Variants in ADGRB1 observed in about 807,000 individuals in gnomAD.
The protein encoded by ADGRB1 is brain-specific angiogenesis inhibitor 1.
ADGRB1 carries 36 observed loss-of-function variants against 175.7 expected under a neutral mutation model. The ratio of observed to expected loss-of-function variants is 0.20; its 90% CI spans 0.16 to 0.27. The LOEUF is 0.27. Among genes scored for constraint, ADGRB1 ranks in the 10% least tolerant of loss-of-function variants. The probability of loss-of-function intolerance (pLI) is 1.00; values close to 1 mark genes in which losing one functional copy is unlikely to be tolerated. For synonymous variants in ADGRB1, 1,054 were observed against 979.4 expected (o/e 1.08, Z -1.42); for missense variants, 1,731 against 2,255.3 (o/e 0.77, Z 4.71).
At chr8:142,454,711 C>A (rs1177240695) in intron 1 of ADGRB1, among the ~76,000 whole-genome samples, 1 of 152,128 alleles carries the variant, frequency 6.6e-6, no homozygotes, top group Admixed American at 6.5e-5. Context: ...AGGTGAGGAT[C>A]CCCCTTCCCC....
intron 24 of ADGRB1, 39 bp from the exon 25 acceptor site, chr8:142,533,250 GGGGGCA>G (rs776412902): frequency 5.5e-6 from 8 of 1,456,960 alleles, no homozygotes; most frequent in Middle Eastern, 2.4e-4. Flanking sequence ...GGGTGTCCCT[GGGGGCA>G]GGGGCGGGGG....
intron 25 of ADGRB1, among the ~76,000 whole-genome samples, chr8:142,534,624 T>TCAACCACCAGCCGGG (rs1844822154): frequency 6.6e-6 from 1 of 152,078 alleles, no homozygotes; most frequent in African/African-American, 2.4e-5. Context: ...CCTGTACCAG[T>TCAACCACCAGCCGGG]CAACCACCAG....
At chr8:142,468,719 A>G (rs1437589085) in intron 2 of ADGRB1, among the ~76,000 whole-genome samples, 1 of 152,170 alleles carries the variant, frequency 6.6e-6, no homozygotes, top group Non-Finnish European at 1.5e-5. Context: ...CCTCACGCAC[A>G]TGTGACCTTT....
rs920901516 is a variant in ADGRB1, at chr8:142,530,119, G to A, written c.3399-3176G>A. Among the ~76,000 whole-genome samples the A allele has an allele frequency of 2.0e-5, 3 of 152,214 alleles. No homozygotes were observed. The South Asian group carries it at 6.2e-4, about 32-fold the overall frequency. ...CTTGATATTTTGCGTTAGTGTGTGT[G>A]TATAAGTGTGAGTGTGTATATAATT... On this transcript the variant is annotated intron_variant, in intron 24 of 30. Transcript: ENST00000517894.
rs149897332 is a variant in ADGRB1 at position 142,490,120 on chromosome 8, G to A, written c.2632-652G>A. Among the ~76,000 whole-genome samples the A allele has an allele frequency of 3.4e-3, 511 of 152,338 alleles. 2 individuals carry two copies. Among genetic ancestry groups the A allele is most frequent in the African/African-American group, 0.012 (492 of 41,588 alleles). On this transcript the variant is annotated intron_variant, in intron 16 of 30. Coordinates refer to ENST00000517894, the MANE Select transcript of ADGRB1 (RefSeq NM_001702.3). Reference sequence around the variant, plus strand: ...CCAGGCCAGGGCTGTAGGAAGCCACGGGAGAACCCAGCCCTGTCCTTTCTA... The same window carrying A: ...CCAGGCCAGGGCTGTAGGAAGCCACAGGAGAACCCAGCCCTGTCCTTTCTA...
rs897531893 is a variant in ADGRB1, at chr8:142,490,927, G to A, written c.2675+112G>A. On this transcript the variant is annotated intron_variant, in intron 17 of 30. Coordinates refer to ENST00000517894, the MANE Select transcript of ADGRB1 (RefSeq NM_001702.3). ...GGTCTTGTCCACTTGCCCCCCAGCTGTCTGTGTACCCGCATGGGCCTCCGT... is the reference window on the plus strand; with the variant it reads ...GGTCTTGTCCACTTGCCCCCCAGCTATCTGTGTACCCGCATGGGCCTCCGT... The A allele has an allele frequency of 5.8e-6, 8 of 1,385,912 alleles. No homozygotes were observed. The Admixed American group carries it at 1.2e-4, about 21-fold the overall frequency. The allele number at this position is 1,385,912 out of a possible 1,614,324, so 85.9% of individuals were successfully genotyped here.
At chr8:142,518,363 T>A in intron 19 of ADGRB1, 122 bp downstream of exon 19, 1 of 1,024,612 alleles carries the variant, frequency 9.8e-7, no homozygotes, top group Non-Finnish European at 1.5e-6. Flanking sequence ...ACGTTCCCAG[T>A]CACCTCCGCA....
intron 2 of ADGRB1, among the ~76,000 whole-genome samples, chr8:142,470,122 A>G (rs1436328210): frequency 6.6e-6 from 1 of 152,072 alleles, no homozygotes; most frequent in Non-Finnish European, 1.5e-5. Context: ...AACACTCCTC[A>G]GGCCAAGCAA....
In ADGRB1 at chr8:142,489,103, C is replaced by G. The variant is rs747940867; in HGVS notation, c.2521C>G (p.Leu841Val). The change falls in exon 15 of 31, where the codon CTG (leucine) becomes GTG (valine). Residue 841 changes from leucine to valine, a missense_variant. Coordinates refer to ENST00000517894, the MANE Select transcript of ADGRB1 (RefSeq NM_001702.3). ...LYRNLGSFLA[L>V]QRNTTVLNSK... ...CAGGAACCTGGGCAGCTTCCTGGCCCTGCAGAGGTGGGGAGCCCTGGGCAG... is the reference window on the plus strand; with the variant it reads ...CAGGAACCTGGGCAGCTTCCTGGCCGTGCAGAGGTGGGGAGCCCTGGGCAG... 1.5e-5 allele frequency: 24 copies of G among 1,606,618 alleles called. No homozygotes were observed. Among genetic ancestry groups the G allele is most frequent in the Middle Eastern group, 1.6e-4 (1 of 6,078 alleles).
intron 2 of ADGRB1, among the ~76,000 whole-genome samples, chr8:142,475,032 C>T (rs968247393): frequency 1.3e-5 from 2 of 152,118 alleles, no homozygotes; most frequent in African/African-American, 4.8e-5. Context: ...CTCCGCTGAG[C>T]CCATGAGGAA....
rs1262877447 is a variant in ADGRB1, at chr8:142,523,141, T to G, written c.3245+431T>G. Among the ~76,000 whole-genome samples the G allele has an allele frequency of 2.0e-5, 3 of 152,306 alleles. No homozygotes were observed. In the East Asian group the frequency reaches 5.8e-4, roughly 29 times the overall value. ...GGCAGGCAGGGCAGGGGTCGGAGGC[T>G]TATTTCACAGATGATGTCACTGAGA... On this transcript the variant is annotated intron_variant, in intron 22 of 30. Coordinates refer to ENST00000517894, the MANE Select transcript of ADGRB1 (RefSeq NM_001702.3).
At chr8:142,456,080 C>CG (rs1563672612) in intron 1 of ADGRB1, among the ~76,000 whole-genome samples, 1 of 152,074 alleles carries the variant, frequency 6.6e-6, no homozygotes, top group Non-Finnish European at 1.5e-5. Context: ...TTCAGAGCCC[C>CG]GGGGAAAAGG....
intron 18 of ADGRB1, among the ~76,000 whole-genome samples, chr8:142,513,113 G>A (rs961428558): frequency 6.6e-5 from 10 of 152,202 alleles, no homozygotes; most frequent in Middle Eastern, 3.2e-3. Flanking sequence ...CAGGCATGTT[G>A]GGTGCCCTGT....
intron 19 of ADGRB1, among the ~76,000 whole-genome samples, chr8:142,519,705 TTGG>T (rs35152834): frequency 0.6 from 83,146 of 138,018 alleles, 28,990 homozygotes; most frequent in Non-Finnish European, 0.75. Flanking sequence ...TGTGATGGTG[TTGG>T]TGGTGCTGGT....
intron 1 of ADGRB1, among the ~76,000 whole-genome samples, chr8:142,462,217 A>G (rs1377632245): frequency 6.6e-6 from 1 of 152,106 alleles, no homozygotes; most frequent in Non-Finnish European, 1.5e-5. Context: ...GGAGCCCGGA[A>G]TGTTTGCCAG....
intron 13 of ADGRB1, among the ~76,000 whole-genome samples, chr8:142,486,305 G>C (rs542764728): frequency 6.6e-6 from 1 of 152,144 alleles, no homozygotes; most frequent in African/African-American, 2.4e-5. Flanking sequence ...AATCCCTCCC[G>C]ACTGTCAGAG....
chr8:142,479,925 G>A (rs989861973), intron 9 of ADGRB1, 131 bp downstream of exon 9: 74 of 1,008,112 alleles, frequency 7.3e-5, no homozygotes, highest in Non-Finnish European at 9.5e-5. Flanking sequence ...GTGCTGGCGC[G>A]GGGTGGTGGG....
Position 142,481,242 on chromosome 8 carries a change from T to C in ADGRB1, c.1829-12T>C. The stretch of plus-strand genomic sequence containing the variant: ...AGCGGGCATCCACCTGAGAAGGGGA[T>C]GGTCTCCCCAGGACTCATCCTGCGA... On this transcript the variant is annotated splice_polypyrimidine_tract_variant and intron_variant, in intron 9 of 30. Coordinates refer to ENST00000517894, the MANE Select transcript of ADGRB1 (RefSeq NM_001702.3). The C allele has an allele frequency of 6.2e-7, 1 of 1,612,004 alleles. No homozygotes were observed. Among genetic ancestry groups the C allele is most frequent in the Non-Finnish European group, 8.5e-7 (1 of 1,178,432 alleles).
chr8:142,482,274 ACACACTGAGCCCTGATCCTGGT>A (rs1841395438), intron 11 of ADGRB1, among the ~76,000 whole-genome samples: 3 of 145,282 alleles, frequency 2.1e-5, no homozygotes, highest in East Asian at 2.2e-4. Context: ...GATCCTGATC[ACACACTGAGCCCTGATCCTGGT>A]CACACTGAGC....
Sources: allele counts gnomAD v4.1 joint callset (sites outside exome capture counted in the v4.1 genomes callset), GRCh38; gene constraint gnomAD v4.1.1; transcripts MANE v1.5; gene names NCBI Gene and HGNC (gene_info 2026-07-23, HGNC 2026-07-21).